The following ACACA variants were observed in gnomAD, a reference collection of about 807,000 sequenced individuals.
ACACA encodes the protein acetyl-CoA carboxylase alpha.
In ACACA, 103 loss-of-function variants were observed where a neutral mutation model predicts 296.1. The ratio of observed to expected loss-of-function variants is 0.35; its 90% CI spans 0.30 to 0.41. The LOEUF (loss-of-function observed/expected upper bound fraction) is 0.41, where lower values mean the gene tolerates loss of function less well. Ranked by LOEUF, ACACA falls within the 10% of genes least tolerant of loss-of-function variation. The pLI is 1.00. For synonymous variants in ACACA, 953 were observed against 1,038.6 expected (o/e 0.92, Z 1.58); for missense variants, 1,554 against 2,989.7 (o/e 0.52, Z 11.20).
chr17:37,289,571 ATCT>A (rs2082948411), intron 3 of ACACA: 4 of 1,180,542 alleles, frequency 3.4e-6, no homozygotes, highest in Middle Eastern at 2.3e-4. Flanking sequence ...ACTAGGACTG[ATCT>A]TCTTAGGAAC....
At chr17:37,135,691 G>T (rs1460962137) in intron 45 of ACACA, among the ~76,000 whole-genome samples, 1 of 152,156 alleles carries the variant, frequency 6.6e-6, no homozygotes, top group Admixed American at 6.5e-5. Flanking sequence ...ACAGCAGAAA[G>T]ACAATAAGGA....
At chr17:37,164,391 T>C (rs921259728) in intron 41 of ACACA, among the ~76,000 whole-genome samples, 5 of 152,200 alleles carry the variant, frequency 3.3e-5, no homozygotes, top group African/African-American at 4.8e-5. Context: ...CACAGCTATT[T>C]GTGATTCTCA....
intron 35 of ACACA, among the ~76,000 whole-genome samples, chr17:37,196,308 C>T (rs1468452424): frequency 1.3e-5 from 2 of 151,566 alleles, no homozygotes; most frequent in Non-Finnish European, 1.5e-5. Flanking sequence ...AAAAAAAGAA[C>T]TACTAATTAT....
At chr17:37,343,884 A>G (rs1184384383) in intron 1 of ACACA, among the ~76,000 whole-genome samples, 1 of 151,970 alleles carries the variant, frequency 6.6e-6, no homozygotes, top group African/African-American at 2.4e-5. Flanking sequence ...ATTACAGAAA[A>G]TTTTATTTTA....
intron 25 of ACACA, among the ~76,000 whole-genome samples, chr17:37,229,151 A>C (rs2079707765): frequency 6.6e-6 from 1 of 151,908 alleles, no homozygotes; most frequent in Non-Finnish European, 1.5e-5. Context: ...CTCAAAAAAA[A>C]AAAAAAAGCA....
Position 37,235,095 on chromosome 17 carries a change from G to A in ACACA, c.3126C>T (p.His1042=). 3.7e-6 allele frequency: 6 copies of A among 1,613,278 alleles called. No homozygotes were observed. The highest frequency in any genetic ancestry group is 5.1e-6 in the Non-Finnish European group (6 of 1,179,880). Residue 1042 remains histidine (H), a synonymous_variant, in exon 25 of 56, where the codon CAC becomes CAT. Transcript: ENST00000616317. ...GGAGGGCGAATACACATTTGTCATA[G>A]TGACCTGCACACCATGAAAAGAACT... ...LRVETQFQNG[H]YDKCVFALRE...
chr17:37,284,871 A>T lies in ACACA; in HGVS notation c.438T>A (p.Val146=), dbSNP rs1444482404. 6.2e-7 allele frequency: 1 copy of T among 1,614,222 alleles called. No homozygotes were observed. Among genetic ancestry groups the T allele is most frequent in the East Asian group, 2.2e-5 (1 of 44,884 alleles). The change falls in exon 4 of 56, where the codon GTT becomes GTA. Residue 146 remains valine (V), a synonymous_variant. Transcript: ENST00000616317. ...DFTVASPAEF[V]TRFGGNKVIE... Reference sequence around the variant, plus strand: ...TCACTTTATTTCCCCCAAAGCGAGTAACAAATTCTGCTGGAGAAGCCACAG... The same window carrying T: ...TCACTTTATTTCCCCCAAAGCGAGTTACAAATTCTGCTGGAGAAGCCACAG...
chr17:37,088,117 C>T (rs2072344916), intron 55 of ACACA, among the ~76,000 whole-genome samples: 1 of 152,182 alleles, frequency 6.6e-6, no homozygotes, highest in South Asian at 2.1e-4. Flanking sequence ...CAGAGTGCCT[C>T]ACCTGCATCT....
intron 45 of ACACA, among the ~76,000 whole-genome samples, chr17:37,133,713 T>C (rs2075209065): frequency 2.0e-5 from 3 of 152,238 alleles, no homozygotes; most frequent in Non-Finnish European, 4.4e-5. Context: ...CCCAAATATA[T>C]TCCTCTTACA....
At chr17:37,151,059 AAAAG>A (rs2076019044) in intron 44 of ACACA, among the ~76,000 whole-genome samples, 1 of 152,108 alleles carries the variant, frequency 6.6e-6, no homozygotes, top group African/African-American at 2.4e-5. Flanking sequence ...TCAAAAAAAA[AAAAG>A]AAAGAAAATA....
intron 33 of ACACA, among the ~76,000 whole-genome samples, chr17:37,201,599 A>G (rs987688291): frequency 2.0e-5 from 3 of 151,876 alleles, no homozygotes; most frequent in African/African-American, 7.2e-5. Flanking sequence ...ATGTGTTTAG[A>G]GGTCCCCAAC....
In ACACA at chr17:37,156,310, G is replaced by A. The variant is rs71382458; in HGVS notation, c.5350-530C>T. On this transcript the variant is annotated intron_variant, in intron 42 of 55. Transcript: ENST00000616317. Reference sequence around the variant, plus strand: ...AATCTCCTGACCTCGTGATCCGCCCGCCTCGGCCTCCCAAAGTGCTGGGAT... The same window carrying A: ...AATCTCCTGACCTCGTGATCCGCCCACCTCGGCCTCCCAAAGTGCTGGGAT... Among the ~76,000 whole-genome samples, 18 of 152,042 alleles carry A rather than the reference G, an allele frequency of 1.2e-4. No individual in the cohort carries two copies. The South Asian group carries it at 1.2e-3, about 11-fold the overall frequency.
chr17:37,207,561 T>G lies in ACACA; in HGVS notation c.3851+96A>C, dbSNP rs977624131. The G allele has an allele frequency of 7.5e-6, 11 of 1,467,794 alleles. No individual in the cohort carries two copies. The Admixed American group carries it at 1.8e-4, about 24-fold the overall frequency. The allele number at this position is 1,467,794 out of a possible 1,614,324, so 90.9% of individuals were successfully genotyped here. ...CATCTTTTTAGCTGGCTCATGGCTATTCGGGAGACCTTTATTCATTTTGCA... is the reference window on the plus strand; with the variant it reads ...CATCTTTTTAGCTGGCTCATGGCTAGTCGGGAGACCTTTATTCATTTTGCA... On this transcript the variant is annotated intron_variant, in intron 31 of 55. Coordinates refer to ENST00000616317, the MANE Select transcript of ACACA (RefSeq NM_198834.3).
intron 10 of ACACA, among the ~76,000 whole-genome samples, chr17:37,265,509 C>T (rs2146312287): frequency 6.6e-6 from 1 of 152,224 alleles, no homozygotes; most frequent in Non-Finnish European, 1.5e-5. Context: ...ATCCAAAGAC[C>T]TGGGAACTAA....
intron 52 of ACACA, among the ~76,000 whole-genome samples, chr17:37,101,370 A>AT (rs896604457): frequency 6.6e-6 from 1 of 152,176 alleles, no homozygotes; most frequent in African/African-American, 2.4e-5. Context: ...CAAAGCTAAT[A>AT]TTTATAGGGT....
chr17:37,404,699 C>T (rs182604898), intron 1 of ACACA, among the ~76,000 whole-genome samples: 3 of 151,736 alleles, frequency 2.0e-5, no homozygotes, highest in East Asian at 1.9e-4. Flanking sequence ...CTCAGCCTCC[C>T]GAGTAGCTGG....
At chr17:37,331,510 G>C (rs1282971868) in intron 2 of ACACA, among the ~76,000 whole-genome samples, 1 of 151,870 alleles carries the variant, frequency 6.6e-6, no homozygotes, top group Admixed American at 6.6e-5. Flanking sequence ...CCGGGTTCAA[G>C]CAATTCTCTG....
intron 1 of ACACA, among the ~76,000 whole-genome samples, chr17:37,348,964 A>C (rs1052178530): frequency 1.3e-5 from 2 of 151,830 alleles, no homozygotes; most frequent in African/African-American, 4.8e-5. Flanking sequence ...AAAAAAAAAA[A>C]CACCAATGCA....
chr17:37,297,335 G>A (rs1417401532), intron 3 of ACACA, among the ~76,000 whole-genome samples: 1 of 151,058 alleles, frequency 6.6e-6, no homozygotes, highest in Non-Finnish European at 1.5e-5. Context: ...CAGCTACTCG[G>A]GAGGCTGAGG....
Sources: gnomAD v4.1 joint callset for allele counts (sites outside exome capture counted in the v4.1 genomes callset) on GRCh38, gnomAD v4.1.1 for gene constraint, MANE v1.5 for transcripts, NCBI Gene and HGNC (gene_info 2026-07-23, HGNC 2026-07-21) for gene names.